The following ZFHX3 variants were observed in gnomAD, a reference collection of about 807,000 sequenced individuals.
The protein encoded by ZFHX3 is zinc finger homeobox 3, also known as zinc finger homeobox protein 3.
A neutral mutation model predicts 279.1 loss-of-function variants in ZFHX3; 42 were observed. That is an observed-to-expected ratio of 0.15 (90% CI 0.12 to 0.19). ZFHX3 has a LOEUF of 0.19. ZFHX3 is among the 10% of genes least tolerant of loss of function. ZFHX3 has a pLI of 1.00. For synonymous variants in ZFHX3, 2,293 were observed against 1,957.8 expected (o/e 1.17, Z -4.52); for missense variants, 4,981 against 4,754.0 (o/e 1.05, Z -1.40).
At position 72,950,585 on chromosome 16, in the gene ZFHX3, T is replaced by C. The variant is rs769181417; in HGVS notation, c.3100A>G (p.Ile1034Val). The C allele has an allele frequency of 1.3e-5, 21 of 1,614,102 alleles. No individual in the cohort carries two copies. In the South Asian group the frequency reaches 1.6e-4, roughly 13 times the overall value. ...ANEWRLKCVA[I>V]GNPVHLKCNA... ...CACTTGAGGTGCACGGGGTTGCCGA[T>C]GGCCACACACTTGAGCCTCCACTCG... The change falls in exon 3 of 10, where the codon ATC (isoleucine) becomes GTC (valine). Residue 1034 changes from isoleucine (I) to valine (V), a missense_variant. By Grantham distance (29) the Ile-to-Val change is conservative. Transcript: ENST00000268489.
At chr16:73,553,704 G>A (rs937266289) in intron 2 of ZFHX3, among the ~76,000 whole-genome samples, 5 of 152,144 alleles carry the variant, frequency 3.3e-5, no homozygotes, top group East Asian at 3.8e-4. Flanking sequence ...ATTCAAAGCC[G>A]ACTTGAGGAC....
At chr16:73,531,711 T>C (rs2019806022) in intron 2 of ZFHX3, among the ~76,000 whole-genome samples, 1 of 95,046 alleles carries the variant, frequency 1.1e-5, no homozygotes, top group African/African-American at 4.9e-5. Context: ...CAAAACCCTG[T>C]CTCAAAAAAA....
intron 3 of ZFHX3, among the ~76,000 whole-genome samples, chr16:73,438,437 A>T (rs1461949098): frequency 1.3e-5 from 2 of 152,180 alleles, no homozygotes; most frequent in Non-Finnish European, 2.9e-5. Flanking sequence ...AAGCAACAAA[A>T]ATCAGAAAGA....
At chr16:73,668,001 T>C (rs1417707269) in intron 2 of ZFHX3, among the ~76,000 whole-genome samples, 2 of 152,202 alleles carry the variant, frequency 1.3e-5, no homozygotes, top group Non-Finnish European at 2.9e-5. Flanking sequence ...TCATTACATA[T>C]GCAATGGCTT....
chr16:73,535,506 T>A (rs912515037), intron 2 of ZFHX3, among the ~76,000 whole-genome samples: 1 of 152,108 alleles, frequency 6.6e-6, no homozygotes, highest in Non-Finnish European at 1.5e-5. Flanking sequence ...GTTTTCCACA[T>A]TGCTGGAGTA....
Position 72,959,838 on chromosome 16 carries a change from C to T in ZFHX3, c.308G>A (p.Arg103His), listed in dbSNP as rs776936617. The stretch of plus-strand genomic sequence containing the variant: ...CTCCTCTCTCAGGGGTGGCGGGGGG[C>T]GCGCGCTGGGGCAGTGGTGCTCCAT... ...TYMEHHCPSA[R>H]PPPPLREESA... The change falls in exon 2 of 10, where the codon CGC becomes CAC. Residue 103 changes from arginine (R) to histidine (H), a missense_variant. By Grantham distance (29) the Arg-to-His change is conservative. Around this residue, in one of 7 missense-constraint regions of ZFHX3, gnomAD observed 1,068 missense variants for 935.2 expected, o/e 1.14. Coordinates refer to ENST00000268489, the MANE Select transcript of ZFHX3 (RefSeq NM_006885.4). The T allele has an allele frequency of 1.7e-5, 27 of 1,593,978 alleles. No individual in the cohort carries two copies. In the Middle Eastern group the frequency reaches 1.0e-3, roughly 59 times the overall value.
intron 2 of ZFHX3, among the ~76,000 whole-genome samples, chr16:73,624,209 CTTGT>C (rs1278980454): frequency 1.3e-5 from 2 of 151,966 alleles, no homozygotes; most frequent in East Asian, 1.9e-4. Context: ...TAAAATAGCA[CTTGT>C]TTGAGACTCA....
chr16:73,792,785 G>A (rs1234447533), intron 1 of ZFHX3, among the ~76,000 whole-genome samples: 2 of 152,104 alleles, frequency 1.3e-5, no homozygotes, highest in Non-Finnish European at 2.9e-5. Context: ...TTTCTTTGAA[G>A]GCAGCCTTCT....
rs147667573 is a variant in ZFHX3, at chr16:73,241,899, T to C, written c.-1104+15148A>G. 2.3e-4 allele frequency among the ~76,000 whole-genome samples: 35 copies of C among 152,172 alleles called. No homozygotes were observed. The East Asian group carries it at 6.2e-3, about 27-fold the overall frequency. On this transcript the variant is annotated intron_variant, in intron 5 of 17. Coordinates refer to the ZFHX3 transcript ENST00000641206. ...CAGGATCAGAATCTCTGCTCTCTTA[T>C]TAGTATTGTGATCCTAAAACGTTGA...
rs1000019595 is a variant in ZFHX3 at position 72,971,839 on chromosome 16, T to A, written c.-49-11645A>T. 2.6e-5 allele frequency among the ~76,000 whole-genome samples: 4 copies of A among 152,176 alleles called. No homozygotes were observed. The East Asian group carries it at 7.7e-4, about 29-fold the overall frequency. On this transcript the variant is annotated intron_variant, in intron 1 of 9. Coordinates refer to ENST00000268489, the MANE Select transcript of ZFHX3 (RefSeq NM_006885.4). Reference sequence around the variant, plus strand: ...TAAGACAGAACCCATCTATGGATATTTACTGGCAGTCTACATTTCTTTTGT... The same window carrying A: ...TAAGACAGAACCCATCTATGGATATATACTGGCAGTCTACATTTCTTTTGT...
Position 72,794,093 on chromosome 16 carries a change from A to G in ZFHX3, c.8589T>C (p.Thr2863=). ...ADNDSATGIA[T]ETKSSSAPNE... is the part of the protein sequence containing the mutation. ...TGGGTGCAGAAGAGGATTTGGTTTCAGTTGCTATTCCCGTTGCACTGTCGT... is the reference window on the plus strand; with the variant it reads ...TGGGTGCAGAAGAGGATTTGGTTTCGGTTGCTATTCCCGTTGCACTGTCGT... Residue 2863 remains threonine (T), a synonymous_variant, in exon 9 of 10, where the codon ACT becomes ACC. Transcript: ENST00000268489. The surrounding 1 kb of genome is among the most constrained non-coding windows in gnomAD (Gnocchi z 4.2). 6.2e-7 allele frequency: 1 copy of G among 1,614,196 alleles called. No homozygotes were observed. The highest frequency in any genetic ancestry group is 8.5e-7 in the Non-Finnish European group (1 of 1,180,032).
chr16:73,682,903 A>G (rs2053030682), intron 1 of ZFHX3, among the ~76,000 whole-genome samples: 1 of 16,484 alleles, frequency 6.1e-5, no homozygotes. Context: ...AGAAAGAAAG[A>G]AAGAGAAAGA....
intron 1 of ZFHX3, among the ~76,000 whole-genome samples, chr16:72,964,096 C>A (rs970848631): frequency 6.6e-6 from 1 of 152,272 alleles, no homozygotes; most frequent in East Asian, 1.9e-4. Flanking sequence ...CCTGCTCTGC[C>A]GGAGGGAGAA....
chr16:72,846,332 G>A (rs2037479266), intron 4 of ZFHX3, among the ~76,000 whole-genome samples: 1 of 152,250 alleles, frequency 6.6e-6, no homozygotes, highest in South Asian at 2.1e-4. Flanking sequence ...CATGGCACGT[G>A]CAAAGACCCA....
chr16:73,512,198 G>C (rs527728763), intron 2 of ZFHX3, among the ~76,000 whole-genome samples: 1 of 149,604 alleles, frequency 6.7e-6, no homozygotes, highest in African/African-American at 2.5e-5. Flanking sequence ...GGGGGACCAA[G>C]GTGGGTGGAT....
chr16:72,818,464 C>T (rs1441071388), intron 5 of ZFHX3, among the ~76,000 whole-genome samples: 2 of 152,194 alleles, frequency 1.3e-5, no homozygotes, highest in African/African-American at 4.8e-5. Context: ...AAATTTTCTT[C>T]CTCCCCCCAA....
At chr16:73,620,872 G>C (rs1258175839) in intron 2 of ZFHX3, among the ~76,000 whole-genome samples, 2 of 152,158 alleles carry the variant, frequency 1.3e-5, no homozygotes, top group African/African-American at 4.8e-5. Context: ...AAGAGAAAAG[G>C]ACCAGATCTT....
chr16:73,339,028 C>T (rs1252383589), intron 3 of ZFHX3, among the ~76,000 whole-genome samples: 1 of 152,212 alleles, frequency 6.6e-6, no homozygotes, highest in African/African-American at 2.4e-5. Context: ...AGAAGCAGAT[C>T]CCAGTGCTAT....
chr16:73,341,843 G>T (rs548926526), intron 3 of ZFHX3, among the ~76,000 whole-genome samples: 24 of 152,128 alleles, frequency 1.6e-4, no homozygotes, highest in Non-Finnish European at 3.5e-4. Context: ...GTCACAAAAG[G>T]CTACATATTG....
Sources: allele counts gnomAD v4.1 joint callset (sites outside exome capture counted in the v4.1 genomes callset), GRCh38; gene constraint gnomAD v4.1.1; regional missense constraint gnomAD v4.1.1; non-coding constraint Gnocchi (gnomAD v3.1); transcripts MANE v1.5; gene names NCBI Gene and HGNC (gene_info 2026-07-23, HGNC 2026-07-21).